MGST1: variants seen among roughly 807,000 people sequenced by gnomAD.
MGST1 encodes the protein microsomal glutathione S-transferase 1, also known as glutathione S-transferase 12.
In MGST1, 5 loss-of-function variants were observed where a neutral mutation model predicts 8.9. That is an observed-to-expected ratio of 0.56 (90% CI 0.29 to 1.19). MGST1 has a LOEUF of 1.19. Ranked by LOEUF, MGST1 falls within the 50% of genes most tolerant of loss-of-function variation. The pLI, the probability that MGST1 is intolerant of heterozygous loss-of-function variation, is 0.08. For synonymous variants in MGST1, 54 were observed against 67.8 expected (o/e 0.80, Z 1.00); for missense variants, 182 against 187.4 (o/e 0.97, Z 0.17).
In MGST1 at chr12:16,369,590, A is replaced by G. The variant is rs1198747315; in HGVS notation, c.222-6532A>G. ...ATACAGCCCATGGGCTGTTTTTATA[A>G]ATAATGTTTTATTGGAACGCAGCAG... On this transcript the variant is annotated intron_variant, in intron 3 of 3. Transcript: ENST00000535309. This position sits in a 1 kb window ranked among gnomAD's most constrained non-coding sequence, Gnocchi z 4.8. 6.6e-6 allele frequency among the ~76,000 whole-genome samples: 1 copy of G among 152,124 alleles called. No homozygotes were observed.
intron 1 of MGST1, among the ~76,000 whole-genome samples, chr12:16,390,248 T>TA (rs1174381145): frequency 6.6e-6 from 1 of 152,166 alleles, no homozygotes; most frequent in African/African-American, 2.4e-5. Context: ...GAGAATTTTT[T>TA]AAAAAAATTG....
intron 4 of MGST1, among the ~76,000 whole-genome samples, chr12:16,518,156 C>T (rs1941626157): frequency 6.6e-6 from 1 of 152,184 alleles, no homozygotes. Flanking sequence ...CAACTTCTGA[C>T]ATGGCCTTAT....
intron 1 of MGST1, among the ~76,000 whole-genome samples, chr12:16,349,991 G>A (rs576165063): frequency 5.5e-4 from 84 of 152,150 alleles, no homozygotes; most frequent in African/African-American, 1.9e-3. Context: ...TGATCTGCCC[G>A]CCTCCGGCTC....
At position 16,503,903 on chromosome 12, in the gene MGST1, A is replaced by G. The variant is rs761419929; in HGVS notation, n.483-85625A>G. 4.1e-4 allele frequency among the ~76,000 whole-genome samples: 62 copies of G among 152,208 alleles called. No homozygotes were observed. The highest frequency in any genetic ancestry group is 4.4e-4 in the Non-Finnish European group (30 of 68,026). ...AGCTGCCACTCTGGGCACATTGCCTATGGGGTAGCCCTGCTCTGCAAGGCA... is the reference window on the plus strand; with the variant it reads ...AGCTGCCACTCTGGGCACATTGCCTGTGGGGTAGCCCTGCTCTGCAAGGCA... On this transcript the variant is annotated intron_variant and non_coding_transcript_variant, in intron 4 of 4. Transcript: ENST00000538857. This position sits in a 1 kb window ranked among gnomAD's most constrained non-coding sequence, Gnocchi z 4.8.
intron 1 of MGST1, among the ~76,000 whole-genome samples, chr12:16,349,807 C>T (rs1334797806): frequency 2.7e-5 from 4 of 148,610 alleles, no homozygotes; most frequent in South Asian, 2.1e-4. Context: ...TGCAGTGGCA[C>T]GATCTCAGCT....
chr12:16,502,787 A>C (rs1178013996), intron 4 of MGST1, among the ~76,000 whole-genome samples: 1 of 152,226 alleles, frequency 6.6e-6, no homozygotes, highest in South Asian at 2.1e-4. Flanking sequence ...TTGTCTAAAC[A>C]TATATAAATT....
chr12:16,505,627 G>A (rs1941533322), intron 4 of MGST1, among the ~76,000 whole-genome samples: 1 of 151,814 alleles, frequency 6.6e-6, no homozygotes, highest in African/African-American at 2.4e-5. Flanking sequence ...TTTACCTGCT[G>A]TTATATTAAT....
intron 4 of MGST1, among the ~76,000 whole-genome samples, chr12:16,470,915 TA>T (rs1272459902): frequency 1.3e-5 from 2 of 152,210 alleles, no homozygotes; most frequent in African/African-American, 2.4e-5. Context: ...TATTTGAGGG[TA>T]TTTTAAAACT....
intron 1 of MGST1, among the ~76,000 whole-genome samples, chr12:16,425,049 C>T (rs188453351): frequency 1.8e-4 from 28 of 152,208 alleles, no homozygotes; most frequent in African/African-American, 6.5e-4. Flanking sequence ...TTTCTGAGAA[C>T]CTAACACCTC....
rs1943355245 is a variant in MGST1 at position 16,587,440 on chromosome 12, A to C, written n.483-2088A>C. Among the ~76,000 whole-genome samples, 1 of 152,172 alleles carries C rather than the reference A, an allele frequency of 6.6e-6. No homozygotes were observed. Among genetic ancestry groups the C allele is most frequent in the Non-Finnish European group, 1.5e-5 (1 of 68,024 alleles). ...TTCATTAATTTTCTACAGACTAGAG[A>C]GCAAGGAATTCAAGTTCGATTTTTT... On this transcript the variant is annotated intron_variant and non_coding_transcript_variant, in intron 4 of 4. Transcript: ENST00000538857. This position sits in a 1 kb window ranked among gnomAD's most constrained non-coding sequence, Gnocchi z 4.3.
At chr12:16,487,449 T>G (rs1941406910) in intron 4 of MGST1, among the ~76,000 whole-genome samples, 1 of 152,182 alleles carries the variant, frequency 6.6e-6, no homozygotes, top group Non-Finnish European at 1.5e-5. Context: ...TAGCATATTT[T>G]GATATCAAAA....
intron 4 of MGST1, among the ~76,000 whole-genome samples, chr12:16,541,820 A>G (rs189557736): frequency 6.6e-6 from 1 of 152,292 alleles, no homozygotes; most frequent in Non-Finnish European, 1.5e-5. Flanking sequence ...TCAGAATACA[A>G]TGTGTCAATA....
intron 4 of MGST1, among the ~76,000 whole-genome samples, chr12:16,479,709 A>T (rs1181798272): frequency 1.3e-5 from 2 of 151,098 alleles, no homozygotes; most frequent in Non-Finnish European, 2.9e-5. Flanking sequence ...AATTTTTAAA[A>T]TTTTTTGTAG....
downstream of MGST1, among the ~76,000 whole-genome samples, chr12:16,440,246 T>C (rs966376562): frequency 3.4e-5 from 5 of 148,844 alleles, 1 homozygote; most frequent in African/African-American, 9.8e-5. Flanking sequence ...AATGTGTGTG[T>C]ACACACACAC....
Position 16,364,335 on chromosome 12 carries a change from A to G in MGST1, c.*294A>G, listed in dbSNP as rs1300523721. 3 of 1,050,622 alleles carry G rather than the reference A, an allele frequency of 2.9e-6. No individual in the cohort carries two copies. Among genetic ancestry groups the G allele is most frequent in the Non-Finnish European group, 3.4e-6 (3 of 871,872 alleles). 65.1% of individuals were successfully genotyped at this position (1,050,622 alleles called of 1,614,324 possible). A position where few individuals can be genotyped will look rare whatever the true frequency, so the allele number is the denominator to read the frequency against. On this transcript the variant is annotated 3_prime_UTR_variant, in exon 4 of 4. Coordinates refer to ENST00000396210, the MANE Select transcript of MGST1 (RefSeq NM_020300.5). The surrounding 1 kb of genome is among the most constrained non-coding windows in gnomAD (Gnocchi z 5.7). ...CACAACACCTCACTTTTGAATCTAT[A>G]AAAGAATTGCACGTATGAGAAACCT...
chr12:16,520,508 G>A (rs888401744), intron 4 of MGST1, among the ~76,000 whole-genome samples: 5 of 152,168 alleles, frequency 3.3e-5, no homozygotes, highest in African/African-American at 1.2e-4. Context: ...CTGAGTCAGT[G>A]TTGGGAGGCG....
rs1484863648 is a variant in MGST1 at position 16,497,586 on chromosome 12, A to G, written n.483-91942A>G. 6.6e-6 allele frequency among the ~76,000 whole-genome samples: 1 copy of G among 152,288 alleles called. No homozygotes were observed. The highest frequency in any genetic ancestry group is 1.9e-4 in the East Asian group (1 of 5,186). The stretch of plus-strand genomic sequence containing the variant: ...CATATTTTATGTCTCAGTGCAATCA[A>G]AGTTTTTCTGATTGTTTTCTGAATT... On this transcript the variant is annotated intron_variant and non_coding_transcript_variant, in intron 4 of 4. Transcript: ENST00000538857. This position sits in a 1 kb window ranked among gnomAD's most constrained non-coding sequence, Gnocchi z 4.4.
At chr12:16,436,017 C>T (rs182508812) in intron 1 of MGST1, among the ~76,000 whole-genome samples, 3 of 142,520 alleles carry the variant, frequency 2.1e-5, no homozygotes, top group East Asian at 4.4e-4. Flanking sequence ...ACACATAACA[C>T]CTTCTTAAAA....
intron 4 of MGST1, among the ~76,000 whole-genome samples, chr12:16,493,169 T>TA (rs1427707127): frequency 6.6e-6 from 1 of 152,162 alleles, no homozygotes; most frequent in Non-Finnish European, 1.5e-5. Flanking sequence ...GAACAGAGAG[T>TA]AAATCTGCTT....
Sources: gnomAD v4.1 joint callset for allele counts (sites outside exome capture counted in the v4.1 genomes callset) on GRCh38, gnomAD v4.1.1 for gene constraint, Gnocchi (gnomAD v3.1) non-coding constraint, MANE v1.5 for transcripts, NCBI Gene and HGNC (gene_info 2026-07-23, HGNC 2026-07-21) for gene names.